Variants in ASB2 observed in about 807,000 individuals in gnomAD.
ASB2 encodes the protein ankyrin repeat and SOCS box protein 2.
Under a neutral mutation model 62.4 loss-of-function variants are expected in ASB2, and 58 were observed. That is an observed-to-expected ratio of 0.93 (90% CI 0.75 to 1.16). The LOEUF is 1.16. Ranked by LOEUF, ASB2 falls within the 50% of genes most tolerant of loss-of-function variation. The pLI is 0.00. For synonymous variants in ASB2, 386 were observed against 385.3 expected (o/e 1.00, Z -0.02); for missense variants, 928 against 887.9 (o/e 1.05, Z -0.57).
intron 7 of ASB2, chr14:93,941,597 T>A (rs746874400): frequency 1.5e-5 from 7 of 455,658 alleles, no homozygotes; most frequent in Non-Finnish European, 3.1e-5. Context: ...GCAGAGGTGC[T>A]GGTCAAAGGC....
chr14:93,941,708 C>T (rs1785835188), intron 7 of ASB2: 1 of 456,116 alleles, frequency 2.2e-6, no homozygotes, highest in South Asian at 1.5e-5. Context: ...AGGGGCTGCC[C>T]CGGGGCCGCT....
chr14:93,953,074 C>T (rs547316003), intron 5 of ASB2, among the ~76,000 whole-genome samples: 3 of 152,222 alleles, frequency 2.0e-5, no homozygotes, highest in Admixed American at 6.5e-5. Context: ...CTTTCCTGCT[C>T]TCTGTGTGTG....
At chr14:93,961,494 G>C (rs1183593709) in intron 2 of ASB2, among the ~76,000 whole-genome samples, 3 of 152,220 alleles carry the variant, frequency 2.0e-5, no homozygotes, top group Non-Finnish European at 4.4e-5. Context: ...AATAAGAATT[G>C]TAAGTCAAGG....
At chr14:93,946,152 G>A (rs569255409) in intron 7 of ASB2, among the ~76,000 whole-genome samples, 136 of 152,334 alleles carry the variant, frequency 8.9e-4, no homozygotes, top group Non-Finnish European at 1.7e-3. Context: ...CCAGCAAAAA[G>A]GGTCAGATGC....
chr14:93,938,029 G>C (rs1404415992), intron 8 of ASB2, among the ~76,000 whole-genome samples, 178 bp from the exon 9 acceptor site: 1 of 152,160 alleles, frequency 6.6e-6, no homozygotes, highest in Admixed American at 6.5e-5. Flanking sequence ...CGGGCAACTT[G>C]AGCAAGTCAC....
rs1177215239 is a variant in ASB2 at position 93,941,314 on chromosome 14, C to T, written c.1053-1642G>A. 17 of 275,284 alleles carry T rather than the reference C, an allele frequency of 6.2e-5. No homozygotes were observed. The Admixed American group carries it at 8.0e-4, about 13-fold the overall frequency. The allele number at this position is 275,284 out of a possible 1,614,324, so 17.1% of individuals were successfully genotyped here. A position where few individuals can be genotyped will look rare whatever the true frequency, so the allele number is the denominator to read the frequency against. ...CTCCTGTGGGACTCCAAGGAGGTGGCCATTACAGGGGGTGGGGCGGTGGGG... is the reference window on the plus strand; with the variant it reads ...CTCCTGTGGGACTCCAAGGAGGTGGTCATTACAGGGGGTGGGGCGGTGGGG... On this transcript the variant is annotated intron_variant, in intron 7 of 9. Transcript: ENST00000555019.
chr14:93,976,345 G>A (rs897035157), intron 1 of ASB2, 89 bp downstream of exon 1: 6 of 152,154 alleles, frequency 3.9e-5, no homozygotes, highest in East Asian at 1.9e-4. Flanking sequence ...GACTACAAGC[G>A]GTTTCCAGTA....
intron 2 of ASB2, among the ~76,000 whole-genome samples, chr14:93,957,950 C>T (rs933923774): frequency 5.9e-5 from 9 of 152,092 alleles, no homozygotes; most frequent in Non-Finnish European, 1.0e-4. Flanking sequence ...GTGACTCACA[C>T]CCTGTGGGGC....
At chr14:93,947,240 T>C in intron 7 of ASB2, 109 bp downstream of exon 7, 1 of 1,227,528 alleles carries the variant, frequency 8.1e-7, no homozygotes, top group Non-Finnish European at 1.2e-6. Flanking sequence ...CTCCTGGGCC[T>C]CCCTAATCCT....
chr14:93,965,787 G>T (rs1312319931), intron 1 of ASB2, among the ~76,000 whole-genome samples: 1 of 152,178 alleles, frequency 6.6e-6, no homozygotes, highest in African/African-American at 2.4e-5. Flanking sequence ...TGCATGACTT[G>T]CCCTGGCCTG....
At position 93,953,383 on chromosome 14, in the gene ASB2, G is replaced by A. The variant is rs771161157; in HGVS notation, c.603C>T (p.Ser201=). The A allele has an allele frequency of 1.7e-5, 27 of 1,595,624 alleles. No individual in the cohort carries two copies. Among genetic ancestry groups the A allele is most frequent in the Non-Finnish European group, 2.2e-5 (26 of 1,165,482 alleles). ...LLQAGAEPDI[S]NKSRETPLYK... ...AGAGCGGTGTCTCTCGGGATTTGTT[G>A]GAGATGTCCGGCTCTGCCCCTGCTT... The change falls in exon 5 of 10, where the codon TCC becomes TCT. Residue 201 remains serine (S), a synonymous_variant. Coordinates refer to ENST00000555019, the MANE Select transcript of ASB2 (RefSeq NM_001202429.2).
intron 4 of ASB2, 30 bp downstream of exon 4, chr14:93,954,287 C>T: frequency 6.3e-7 from 1 of 1,599,842 alleles, no homozygotes; most frequent in Non-Finnish European, 8.5e-7. Context: ...CCTTTCCCAC[C>T]TCTTGCCACC....
chr14:93,974,467 A>G (rs762317860), intron 1 of ASB2, among the ~76,000 whole-genome samples: 9 of 152,260 alleles, frequency 5.9e-5, no homozygotes, highest in Non-Finnish European at 1.0e-4. Flanking sequence ...GACACTGGGC[A>G]GGCCCAGAGA....
At chr14:93,937,159 C>T (rs1476284061) in intron 9 of ASB2, among the ~76,000 whole-genome samples, 2 of 152,196 alleles carry the variant, frequency 1.3e-5, no homozygotes, top group Non-Finnish European at 2.9e-5. Flanking sequence ...GGTTCAGGGG[C>T]CTGTCTCCCA....
At chr14:93,937,644 C>G (rs141931061) in intron 9 of ASB2, 54 bp downstream of exon 9, 1 of 1,573,206 alleles carries the variant, frequency 6.4e-7, no homozygotes, top group Non-Finnish European at 8.7e-7. Context: ...AGGCCTGGGA[C>G]TCTGAGTCAG....
intron 7 of ASB2, among the ~76,000 whole-genome samples, chr14:93,946,979 T>C (rs1245245745): frequency 6.6e-6 from 1 of 152,244 alleles, no homozygotes; most frequent in African/African-American, 2.4e-5. Flanking sequence ...CTATGAGCTG[T>C]GTGACCTTGG....
chr14:93,959,040 G>A (rs539648045), intron 2 of ASB2, among the ~76,000 whole-genome samples: 13 of 152,172 alleles, frequency 8.5e-5, no homozygotes, highest in Non-Finnish European at 1.6e-4. Flanking sequence ...CAGGGCAAAT[G>A]TTCACAAAGT....
chr14:93,954,342 C>G lies in ASB2; in HGVS notation c.453G>C (p.Val151=). 6.2e-7 allele frequency: 1 copy of G among 1,613,806 alleles called. No homozygotes were observed. The change falls in exon 4 of 10, where the codon GTG becomes GTC. Residue 151 remains valine (V), a synonymous_variant. Transcript: ENST00000555019. ...CTCGCTGCAGGACTTTCAGGCAGCCCACCTGGCCATAGTATGCGGCCTCGT... is the reference window on the plus strand; with the variant it reads ...CTCGCTGCAGGACTTTCAGGCAGCCGACCTGGCCATAGTATGCGGCCTCGT... ...PLHEAAYYGQ[V]GCLKVLQRAY...
chr14:93,945,752 AG>A (rs1888700943), intron 7 of ASB2, among the ~76,000 whole-genome samples: 1 of 152,210 alleles, frequency 6.6e-6, no homozygotes, highest in South Asian at 2.1e-4. Context: ...CCTGCACAGA[AG>A]GGGCTGGAGC....
Sources: allele counts gnomAD v4.1 joint callset (sites outside exome capture counted in the v4.1 genomes callset), GRCh38; gene constraint gnomAD v4.1.1; transcripts MANE v1.5; gene names NCBI Gene and HGNC (gene_info 2026-07-23, HGNC 2026-07-21).